Variants in ERC1 observed in about 807,000 individuals in gnomAD.
ERC1 encodes RAB6 interacting protein 2.
In ERC1, 56 loss-of-function variants were observed where a neutral mutation model predicts 132.0. The observed-to-expected ratio is 0.42, with a 90% CI of 0.34 to 0.53. The LOEUF is 0.53. ERC1 is among the 20% of genes least tolerant of loss of function. The pLI, the probability that ERC1 is intolerant of heterozygous loss-of-function variation, is 0.03. For missense variants in ERC1, 1,202 were observed against 1,349.9 expected (o/e 0.89, Z 1.72); for synonymous variants, 478 against 476.1 (o/e 1.00, Z -0.05).
At chr12:1,201,267 A>G (rs1445435441) in intron 12 of ERC1, among the ~76,000 whole-genome samples, 1 of 152,188 alleles carries the variant, frequency 6.6e-6, no homozygotes, top group Non-Finnish European at 1.5e-5. Context: ...TCTAATTGGT[A>G]TAACTTTTTT....
At chr12:1,399,820 G>T (rs1218692631) in intron 16 of ERC1, among the ~76,000 whole-genome samples, 4 of 152,034 alleles carry the variant, frequency 2.6e-5, no homozygotes, top group Non-Finnish European at 4.4e-5. Context: ...CCTCTTTTTT[G>T]ACTATAATAA....
chr12:1,267,167 C>G (rs558053152), intron 14 of ERC1, among the ~76,000 whole-genome samples: 1 of 152,372 alleles, frequency 6.6e-6, no homozygotes, highest in East Asian at 1.9e-4. Context: ...AAGGTGCCCC[C>G]TAACCTGTGT....
intron 2 of ERC1, among the ~76,000 whole-genome samples, chr12:1,078,343 G>C (rs1941665484): frequency 6.6e-6 from 1 of 151,962 alleles, no homozygotes; most frequent in South Asian, 2.1e-4. Flanking sequence ...TTTTATTGAA[G>C]GTCTTTTGAA....
intron 12 of ERC1, among the ~76,000 whole-genome samples, chr12:1,211,030 A>G (rs1044240055): frequency 1.3e-5 from 2 of 152,118 alleles, no homozygotes; most frequent in South Asian, 2.1e-4. Flanking sequence ...AGGTATTACA[A>G]ATTTCAATGT....
At chr12:1,137,056 C>T (rs939362392) in intron 7 of ERC1, among the ~76,000 whole-genome samples, 5 of 151,182 alleles carry the variant, frequency 3.3e-5, no homozygotes, top group Non-Finnish European at 7.4e-5. Flanking sequence ...TCCTTCTACT[C>T]ACCAGTTCTT....
chr12:1,180,510 C>A, intron 8 of ERC1, 30 bp from the exon 9 acceptor site: 1 of 1,607,228 alleles, frequency 6.2e-7, no homozygotes, highest in Non-Finnish European at 8.5e-7. Context: ...CATGTCCTCT[C>A]TTTTCCCTTA....
intron 17 of ERC1, among the ~76,000 whole-genome samples, chr12:1,440,617 TGTGTGTG>T (rs1232498486): frequency 4.9e-5 from 4 of 81,976 alleles, no homozygotes; most frequent in Non-Finnish European, 2.2e-5. Flanking sequence ...TGTGTGTGTG[TGTGTGTG>T]TGTGTGTGTG....
chr12:1,309,956 G>GT lies in ERC1; in HGVS notation c.2780+19948dup, dbSNP rs1438598178. On this transcript the variant is annotated intron_variant, in intron 15 of 18. Transcript: ENST00000360905. ...CTTTTGTTTTGTTTTGTTTTGTTTT[G>GT]TTTTGTTTTGAGACAGAGTCTCGTG... Among the ~76,000 whole-genome samples, 426 of 149,236 alleles carry GT rather than the reference G, an allele frequency of 2.9e-3. 2 individuals are homozygous for GT. The highest frequency in any genetic ancestry group is 0.021 in the Middle Eastern group (6 of 284).
chr12:1,038,611 G>A (rs944028652), intron 2 of ERC1, among the ~76,000 whole-genome samples: 9 of 152,166 alleles, frequency 5.9e-5, no homozygotes, highest in African/African-American at 1.4e-4. Context: ...TACCTGCTTC[G>A]GCCTCCCAAA....
At chr12:1,317,078 T>C (rs1001975918) in intron 15 of ERC1, among the ~76,000 whole-genome samples, 5 of 151,584 alleles carry the variant, frequency 3.3e-5, no homozygotes, top group Admixed American at 6.6e-5. Flanking sequence ...GGAGAATCGC[T>C]TGAATCCAGG....
chr12:1,124,428 C>T (rs569629492), intron 7 of ERC1, among the ~76,000 whole-genome samples: 7 of 152,142 alleles, frequency 4.6e-5, no homozygotes, highest in African/African-American at 1.7e-4. Context: ...AAAATATAAA[C>T]ATTTAAAAAT....
At chr12:1,375,494 A>G (rs142414997) in intron 16 of ERC1, among the ~76,000 whole-genome samples, 38 of 152,324 alleles carry the variant, frequency 2.5e-4, no homozygotes, top group African/African-American at 7.9e-4. Context: ...GGCCTTGCCA[A>G]CTTTTTCTGC....
intron 13 of ERC1, among the ~76,000 whole-genome samples, chr12:1,257,399 C>T (rs533997067): frequency 5.5e-4 from 84 of 152,218 alleles, no homozygotes; most frequent in African/African-American, 1.6e-3. Context: ...TGCTAAGTTT[C>T]GAAGTAACTC....
intron 15 of ERC1, among the ~76,000 whole-genome samples, chr12:1,329,252 C>G (rs2154357198): frequency 6.9e-6 from 1 of 144,366 alleles, no homozygotes; most frequent in African/African-American, 2.6e-5. Context: ...CAAGATCACG[C>G]CACTGCACTT....
intron 14 of ERC1, among the ~76,000 whole-genome samples, chr12:1,281,740 T>C (rs893090604): frequency 6.6e-6 from 1 of 152,176 alleles, no homozygotes; most frequent in Non-Finnish European, 1.5e-5. Context: ...AATGAAATAA[T>C]ATTCTGCTGA....
intron 1 of ERC1, among the ~76,000 whole-genome samples, chr12:1,024,271 C>T (rs571690405): frequency 1.2e-4 from 18 of 152,216 alleles, no homozygotes; most frequent in African/African-American, 2.9e-4. Context: ...GTCTCAGCTA[C>T]TCGGGTGGCT....
intron 12 of ERC1, among the ~76,000 whole-genome samples, chr12:1,201,507 C>T (rs999481681): frequency 4.6e-5 from 7 of 152,068 alleles, no homozygotes; most frequent in African/African-American, 9.7e-5. Context: ...AGATATTTGA[C>T]GGGTTTACCT....
intron 16 of ERC1, among the ~76,000 whole-genome samples, chr12:1,379,838 C>G (rs923398330): frequency 1.3e-5 from 2 of 152,166 alleles, no homozygotes; most frequent in African/African-American, 4.8e-5. Context: ...TCTGTTCACA[C>G]AGACCAACCC....
intron 3 of ERC1, among the ~76,000 whole-genome samples, chr12:1,103,633 G>A (rs1283588195): frequency 6.6e-6 from 1 of 152,166 alleles, no homozygotes; most frequent in Non-Finnish European, 1.5e-5. Flanking sequence ...TGCGGCTTGA[G>A]AGCGAAAGGA....
Sources: gnomAD v4.1 joint callset for allele counts (sites outside exome capture counted in the v4.1 genomes callset) on GRCh38, gnomAD v4.1.1 for gene constraint, MANE v1.5 for transcripts, NCBI Gene and HGNC (gene_info 2026-07-23, HGNC 2026-07-21) for gene names.